DRC11: variants seen among roughly 807,000 people sequenced by gnomAD.
DRC11 encodes the protein dynein regulatory complex subunit 11.
chr2:236,402,646 A>G, the DRC11 span, among the ~76,000 whole-genome samples: 1 of 152,128 alleles, frequency 6.6e-6, no homozygotes, highest in African/African-American at 2.4e-5. The surrounding 1 kb of genome is among the most constrained non-coding windows in gnomAD (Gnocchi z 6.0). Flanking sequence ...ACCCAGAAAC[A>G]CCAGGGGGCC....
chr2:236,311,496 C>G, the DRC11 span, among the ~76,000 whole-genome samples: 280 of 152,308 alleles, frequency 1.8e-3, no homozygotes, highest in Non-Finnish European at 3.1e-3. This position sits in a 1 kb window ranked among gnomAD's most constrained non-coding sequence, Gnocchi z 6.9. Context: ...TTTCTCCAGA[C>G]GTGGCCAGAA....
chr2:236,431,011 G>GC, the DRC11 span, among the ~76,000 whole-genome samples: 1 of 152,152 alleles, frequency 6.6e-6, no homozygotes, highest in South Asian at 2.1e-4. The surrounding 1 kb of genome is among the most constrained non-coding windows in gnomAD (Gnocchi z 4.2). Flanking sequence ...CTGGCCTGGT[G>GC]CCTGTTTTCT....
At chr2:236,486,555 G>GCTGACAT in the DRC11 span, among the ~76,000 whole-genome samples, 1 of 151,586 alleles carries the variant, frequency 6.6e-6, no homozygotes, top group Non-Finnish European at 1.5e-5. This position sits in a 1 kb window ranked among gnomAD's most constrained non-coding sequence, Gnocchi z 5.7. Flanking sequence ...GGTGTGCACT[G>GCTGACAT]CTGACATCAG....
chr2:236,401,552 T>C, the DRC11 span, among the ~76,000 whole-genome samples: 1 of 152,140 alleles, frequency 6.6e-6, no homozygotes, highest in Non-Finnish European at 1.5e-5. The surrounding 1 kb of genome is among the most constrained non-coding windows in gnomAD (Gnocchi z 4.6). Context: ...GTAAATACAA[T>C]GTGGTATTTC....
chr2:236,474,580 G>T, the DRC11 span, among the ~76,000 whole-genome samples: 1 of 152,106 alleles, frequency 6.6e-6, no homozygotes, highest in African/African-American at 2.4e-5. Context: ...GTTAAACTTA[G>T]ACTGTACTAG....
At chr2:236,450,831 TAA>T in the DRC11 span, among the ~76,000 whole-genome samples, 1 of 152,236 alleles carries the variant, frequency 6.6e-6, no homozygotes, top group South Asian at 2.1e-4. Context: ...TTCTTTATAA[TAA>T]AGTTGACTAT....
At chr2:236,346,942 A>G in the DRC11 span, among the ~76,000 whole-genome samples, 1 of 152,218 alleles carries the variant, frequency 6.6e-6, no homozygotes, top group Non-Finnish European at 1.5e-5. Context: ...AGGGAGGAGC[A>G]TCTCAAGTGA....
chr2:236,352,679 C>T, the DRC11 span, among the ~76,000 whole-genome samples: 6 of 152,134 alleles, frequency 3.9e-5, no homozygotes, highest in African/African-American at 9.7e-5. The surrounding 1 kb of genome is among the most constrained non-coding windows in gnomAD (Gnocchi z 7.0). Flanking sequence ...AGATCCTTTA[C>T]GAAAATGGGA....
At chr2:236,357,179 A>G in the DRC11 span, among the ~76,000 whole-genome samples, 2 of 115,140 alleles carry the variant, frequency 1.7e-5, no homozygotes, top group East Asian at 2.3e-4. Context: ...TATATATTAT[A>G]TATATTCATA....
the DRC11 span, among the ~76,000 whole-genome samples, chr2:236,422,698 C>A: frequency 2.0e-5 from 3 of 152,304 alleles, no homozygotes; most frequent in African/African-American, 7.2e-5. Flanking sequence ...TTAGAAAAAA[C>A]TACTTTAAAG....
At chr2:236,384,079 G>A in the DRC11 span, among the ~76,000 whole-genome samples, 1 of 152,040 alleles carries the variant, frequency 6.6e-6, no homozygotes, top group African/African-American at 2.4e-5. Flanking sequence ...GGACATTTGG[G>A]TTGGTTCCAA....
the DRC11 span, among the ~76,000 whole-genome samples, chr2:236,468,765 A>G: frequency 1.3e-5 from 2 of 152,234 alleles, no homozygotes; most frequent in Non-Finnish European, 2.9e-5. Flanking sequence ...GTTAAAATGG[A>G]TATCTGCAAT....
the DRC11 span, among the ~76,000 whole-genome samples, chr2:236,474,587 C>T: frequency 1.3e-5 from 2 of 152,110 alleles, no homozygotes; most frequent in Non-Finnish European, 2.9e-5. Context: ...TTAGACTGTA[C>T]TAGATTAAAT....
the DRC11 span, among the ~76,000 whole-genome samples, chr2:236,401,300 C>T: frequency 6.6e-5 from 10 of 152,118 alleles, no homozygotes; most frequent in Non-Finnish European, 1.5e-4. The surrounding 1 kb of genome is among the most constrained non-coding windows in gnomAD (Gnocchi z 4.6). Flanking sequence ...CCACCCTTGT[C>T]CTACACTTTC....
chr2:236,458,100 G>A, the DRC11 span, among the ~76,000 whole-genome samples: 1 of 152,118 alleles, frequency 6.6e-6, no homozygotes, highest in Non-Finnish European at 1.5e-5. Context: ...TTACAAAGGA[G>A]GCCAGGGGCG....
chr2:236,436,785 T>C, the DRC11 span, among the ~76,000 whole-genome samples: 2 of 152,320 alleles, frequency 1.3e-5, no homozygotes, highest in African/African-American at 4.8e-5. Flanking sequence ...AGTGCTTGCA[T>C]GGTACCTGGC....
chr2:236,306,888 T>A, the DRC11 span, among the ~76,000 whole-genome samples: 1 of 152,234 alleles, frequency 6.6e-6, no homozygotes, highest in African/African-American at 2.4e-5. The surrounding 1 kb of genome is among the most constrained non-coding windows in gnomAD (Gnocchi z 5.9). Flanking sequence ...AATATTATCC[T>A]GTGTGTAAAT....
chr2:236,314,184 T>C, the DRC11 span, among the ~76,000 whole-genome samples: 4 of 152,218 alleles, frequency 2.6e-5, no homozygotes, highest in Non-Finnish European at 5.9e-5. The surrounding 1 kb of genome is among the most constrained non-coding windows in gnomAD (Gnocchi z 4.5). Context: ...AGGATCTCTC[T>C]GATATCTCAC....
At chr2:236,507,181 A>C in the DRC11 span, 1 of 1,451,748 alleles carries the variant, frequency 6.9e-7, no homozygotes, top group Non-Finnish European at 9.7e-7. Context: ...AAAGAAAATA[A>C]GAGAAGCAGA....
Sources: allele counts gnomAD v4.1 joint callset (sites outside exome capture counted in the v4.1 genomes callset), GRCh38; gene constraint gnomAD v4.1.1; non-coding constraint Gnocchi (gnomAD v3.1); transcripts MANE v1.5; gene names NCBI Gene and HGNC (gene_info 2026-07-23, HGNC 2026-07-21).